Variants in MTDH observed in about 807,000 individuals in gnomAD.
MTDH encodes metadherin.
Under a neutral mutation model 72.7 loss-of-function variants are expected in MTDH, and 34 were observed. The observed-to-expected ratio is 0.47, with a 90% confidence interval of 0.36 to 0.62. The LOEUF is 0.62. MTDH is among the 20% of genes least tolerant of loss of function. MTDH has a pLI of 0.00. For synonymous variants in MTDH, 266 were observed against 268.9 expected (o/e 0.99, Z 0.10); for missense variants, 677 against 699.4 (o/e 0.97, Z 0.36).
intron 4 of MTDH, among the ~76,000 whole-genome samples, 187 bp downstream of exon 4, chr8:97,687,792 C>T (rs186115088): frequency 3.3e-5 from 5 of 152,300 alleles, no homozygotes; most frequent in Admixed American, 1.3e-4. Context: ...TTACTTGTTA[C>T]GTATTGCCTA....
Position 97,644,334 on chromosome 8 carries a change from C to T in MTDH, c.-173C>T. On this transcript the variant is annotated 5_prime_UTR_variant, in exon 1 of 12. Coordinates refer to ENST00000336273, the MANE Select transcript of MTDH (RefSeq NM_178812.4). ...GCTGACAGCGGGGAACCTGGGAGAC[C>T]CCTCCGCCCTCCCCGCGGTGGCAGC... The T allele has an allele frequency of 3.6e-6, 3 of 827,418 alleles. No individual in the cohort carries two copies. Among genetic ancestry groups the T allele is most frequent in the Middle Eastern group, 3.7e-4 (1 of 2,722 alleles). 51.3% of individuals were successfully genotyped at this position (827,418 alleles called of 1,614,324 possible). A position where few individuals can be genotyped will look rare whatever the true frequency, so the allele number is the denominator to read the frequency against.
rs1490354193 is a variant in MTDH, at chr8:97,661,078, G to A, written c.388G>A (p.Gly130Arg). The change falls in exon 2 of 12, where the codon GGG (glycine) becomes AGG (arginine). Residue 130 changes from glycine to arginine, a missense_variant. Gly to Arg is a moderately radical substitution (Grantham distance 125). Around this residue, in one of 3 missense-constraint regions of MTDH, gnomAD observed 467 missense variants for 469.1 expected, o/e 1.00. Coordinates refer to ENST00000336273, the MANE Select transcript of MTDH (RefSeq NM_178812.4). ...KKLSEKPKPNGRTVEVAEGEA... is the reference protein window; with the variant it reads ...KKLSEKPKPNRRTVEVAEGEA... Reference sequence around the variant, plus strand: ...CTTTTTGTTGCCTGTGCAGCCAAATGGGCGGACTGTTGAAGTGGCTGAGGG... The same window carrying A: ...CTTTTTGTTGCCTGTGCAGCCAAATAGGCGGACTGTTGAAGTGGCTGAGGG... 6.2e-7 allele frequency: 1 copy of A among 1,612,444 alleles called. No homozygotes were observed. The highest frequency in any genetic ancestry group is 8.5e-7 in the Non-Finnish European group (1 of 1,179,002).
rs375850165 is a variant in MTDH, at chr8:97,675,217, A to AT, written c.484-11446dup. Among the ~76,000 whole-genome samples, 705 of 152,312 alleles carry AT rather than the reference A, an allele frequency of 4.6e-3. 8 individuals are homozygous for AT. The highest frequency in any genetic ancestry group is 0.016 in the African/African-American group (658 of 41,574). ...AATATTAAAGATGTCAGTTCACCAA[A>AT]TTTTTAAGGACCAGTACATCCAGAA... On this transcript the variant is annotated intron_variant, in intron 2 of 11. Transcript: ENST00000336273.
chr8:97,656,117 T>A (rs1200429152), intron 1 of MTDH, among the ~76,000 whole-genome samples: 2 of 152,136 alleles, frequency 1.3e-5, no homozygotes, highest in South Asian at 2.1e-4. Flanking sequence ...TGAATCATGA[T>A]CTTTACATGT....
chr8:97,690,099 A>G (rs1022541775), intron 5 of MTDH, among the ~76,000 whole-genome samples: 11 of 150,996 alleles, frequency 7.3e-5, no homozygotes, highest in Non-Finnish European at 1.3e-4. Context: ...GGTTCAAACA[A>G]TTCTGCTTCA....
Position 97,674,481 on chromosome 8 carries a change from A to G in MTDH, c.484-12187A>G, listed in dbSNP as rs114528246. On this transcript the variant is annotated intron_variant, in intron 2 of 11. Coordinates refer to ENST00000336273, the MANE Select transcript of MTDH (RefSeq NM_178812.4). ...AACTAGTATGCTTCTTGGATAATCC[A>G]TGCTTTCCCATTTAACCATGCCCAG... 5.3e-3 allele frequency among the ~76,000 whole-genome samples: 810 copies of G among 152,326 alleles called. 5 individuals are homozygous for G. The highest frequency in any genetic ancestry group is 0.017 in the African/African-American group (716 of 41,570).
intron 7 of MTDH, 29 bp downstream of exon 7, chr8:97,699,881 TTTTTTTCAGAGTTTTC>T: frequency 7.1e-7 from 1 of 1,417,992 alleles, no homozygotes; most frequent in South Asian, 1.2e-5. Flanking sequence ...TATCAGTTAT[TTTTTTTCAGAGTTTTC>T]TTTCTAGCAC....
intron 5 of MTDH, among the ~76,000 whole-genome samples, chr8:97,690,022 G>C (rs1281756333): frequency 7.6e-6 from 1 of 131,998 alleles, no homozygotes; most frequent in African/African-American, 2.9e-5. Flanking sequence ...TAAAGACAGA[G>C]TTTTGCTTGT....
chr8:97,718,227 C>A (rs754407963), intron 9 of MTDH, among the ~76,000 whole-genome samples: 3 of 150,520 alleles, frequency 2.0e-5, no homozygotes, highest in African/African-American at 7.3e-5. Context: ...ATTTTTATTA[C>A]AGACAGCGTT....
At chr8:97,675,914 T>C (rs1323994707) in intron 2 of MTDH, among the ~76,000 whole-genome samples, 1 of 150,950 alleles carries the variant, frequency 6.6e-6, no homozygotes, top group Non-Finnish European at 1.5e-5. Flanking sequence ...CTACCTACCT[T>C]GTATAAATGG....
At chr8:97,721,938 G>A (rs1216719101) in intron 10 of MTDH, among the ~76,000 whole-genome samples, 6 of 152,254 alleles carry the variant, frequency 3.9e-5, no homozygotes, top group African/African-American at 1.4e-4. Context: ...GTAGGAAACA[G>A]AAGCTGTTGC....
At chr8:97,701,280 T>C (rs1265393731) in intron 7 of MTDH, among the ~76,000 whole-genome samples, 3 of 152,146 alleles carry the variant, frequency 2.0e-5, no homozygotes, top group Admixed American at 1.3e-4. Context: ...TGCTGAAGTC[T>C]CCTGTGATAA....
chr8:97,648,170 A>G (rs1811634167), intron 1 of MTDH, among the ~76,000 whole-genome samples: 1 of 152,004 alleles, frequency 6.6e-6, no homozygotes, highest in Non-Finnish European at 1.5e-5. Context: ...AAACCATGCC[A>G]TAGATCTTTT....
chr8:97,707,377 A>T (rs2449555), intron 8 of MTDH, among the ~76,000 whole-genome samples: 70,448 of 149,958 alleles, frequency 0.47, 19,321 homozygotes, highest in African/African-American at 0.75. Flanking sequence ...CTCCAACTCC[A>T]GACCTCAGGT....
intron 2 of MTDH, among the ~76,000 whole-genome samples, chr8:97,671,429 C>T (rs1343270146): frequency 2.0e-5 from 3 of 152,036 alleles, no homozygotes; most frequent in African/African-American, 7.2e-5. Flanking sequence ...ATAAAATCTG[C>T]CACTGTTCTC....
At chr8:97,721,886 C>G (rs761137163) in intron 10 of MTDH, among the ~76,000 whole-genome samples, 1 of 152,184 alleles carries the variant, frequency 6.6e-6, no homozygotes, top group Non-Finnish European at 1.5e-5. Flanking sequence ...CTGAGTGTTA[C>G]CAGTTGCTTG....
intron 8 of MTDH, among the ~76,000 whole-genome samples, chr8:97,713,386 C>T (rs1421042857): frequency 2.0e-5 from 3 of 152,094 alleles, no homozygotes; most frequent in Non-Finnish European, 4.4e-5. Context: ...TGCCCAGCCT[C>T]AGTGAGTTTT....
At chr8:97,694,479 G>A (rs1338577980) in intron 6 of MTDH, among the ~76,000 whole-genome samples, 1 of 152,128 alleles carries the variant, frequency 6.6e-6, no homozygotes, top group Non-Finnish European at 1.5e-5. Flanking sequence ...TTACACGTGT[G>A]AGCCACCAAC....
rs368307370 is a variant in MTDH at position 97,719,175 on chromosome 8, G to A, written c.1507G>A (p.Val503Ile). 129 of 1,610,404 alleles carry A rather than the reference G, an allele frequency of 8.0e-5. No homozygotes were observed. The highest frequency in any genetic ancestry group is 2.4e-4 in the Admixed American group (14 of 58,704). Residue 503 changes from valine (V) to isoleucine (I), a missense_variant, in exon 10 of 12, where the codon GTC becomes ATC. Physicochemically the swap from Val to Ile is conservative, Grantham distance 29 (BLOSUM62 3). Around this residue, in one of 3 missense-constraint regions of MTDH, gnomAD observed 201 missense variants for 204.5 expected, o/e 0.98. Coordinates refer to ENST00000336273, the MANE Select transcript of MTDH (RefSeq NM_178812.4). ...ISTSDPAEVL[V>I]KNSQPIKTLP... Reference sequence around the variant, plus strand: ...CACTAGTGATCCAGCCGAAGTACTCGTCAAAAATAGCCAGGTAATTTTTAA... The same window carrying A: ...CACTAGTGATCCAGCCGAAGTACTCATCAAAAATAGCCAGGTAATTTTTAA...
Sources: gnomAD v4.1 joint callset for allele counts (sites outside exome capture counted in the v4.1 genomes callset) on GRCh38, gnomAD v4.1.1 for gene constraint, gnomAD v4.1.1 regional missense constraint, MANE v1.5 for transcripts, NCBI Gene and HGNC (gene_info 2026-07-23, HGNC 2026-07-21) for gene names.